Variants in RALYL observed in about 807,000 individuals in gnomAD.
The protein encoded by RALYL is RNA-binding Raly-like protein.
A neutral mutation model predicts 35.1 loss-of-function variants in RALYL; 29 were observed. The ratio of observed to expected loss-of-function variants is 0.83; its 90% CI spans 0.61 to 1.13. RALYL has a LOEUF of 1.13. RALYL is among the 50% of genes most tolerant of loss of function. RALYL has a pLI of 0.00. For missense variants in RALYL, 359 were observed against 360.4 expected (o/e 1.00, Z 0.03); for synonymous variants, 120 against 127.6 (o/e 0.94, Z 0.40).
At chr8:84,859,275 C>T (rs114544330) in intron 5 of RALYL, among the ~76,000 whole-genome samples, 2,116 of 152,108 alleles carry the variant, frequency 0.014, 42 homozygotes, top group African/African-American at 0.047. Context: ...ATCGGCCATG[C>T]AGAAAAAGGT....
At chr8:84,542,792 A>T (rs987522727) in intron 2 of RALYL, among the ~76,000 whole-genome samples, 2 of 152,164 alleles carry the variant, frequency 1.3e-5, no homozygotes, top group Admixed American at 1.3e-4. Flanking sequence ...AATTGCTGTA[A>T]TCCCTTAGTG....
At chr8:84,243,669 C>A (rs1383805793) in intron 1 of RALYL, among the ~76,000 whole-genome samples, 2 of 152,000 alleles carry the variant, frequency 1.3e-5, no homozygotes, top group Non-Finnish European at 2.9e-5. Context: ...ACTTTCCCAC[C>A]CTCCATATGC....
chr8:84,440,966 A>G (rs1054832259), intron 1 of RALYL, among the ~76,000 whole-genome samples: 4 of 152,002 alleles, frequency 2.6e-5, no homozygotes, highest in Non-Finnish European at 5.9e-5. Flanking sequence ...AAGTAGTTTT[A>G]CTATTTTTCA....
At chr8:84,300,534 G>A (rs76058040) in intron 1 of RALYL, among the ~76,000 whole-genome samples, 2 of 151,928 alleles carry the variant, frequency 1.3e-5, no homozygotes, top group African/African-American at 4.8e-5. Flanking sequence ...ACTGTTAGTA[G>A]GGTGTTGAAC....
At chr8:84,794,149 A>T (rs541152472) in intron 3 of RALYL, among the ~76,000 whole-genome samples, 35 of 152,360 alleles carry the variant, frequency 2.3e-4, no homozygotes, top group African/African-American at 7.9e-4. Flanking sequence ...CTCCCAACCT[A>T]CTAGGCCAGG....
chr8:84,496,218 G>T (rs954955755), intron 1 of RALYL, among the ~76,000 whole-genome samples: 5 of 151,972 alleles, frequency 3.3e-5, no homozygotes. Flanking sequence ...TTTCTTTTAG[G>T]TTTAGTCATG....
intron 2 of RALYL, among the ~76,000 whole-genome samples, chr8:84,709,773 A>G (rs1331296754): frequency 6.6e-6 from 1 of 152,100 alleles, no homozygotes; most frequent in East Asian, 1.9e-4. Context: ...CAAGCTACCA[A>G]TTGTCAGCCA....
intron 2 of RALYL, among the ~76,000 whole-genome samples, chr8:84,647,547 T>C (rs1211278483): frequency 6.6e-6 from 1 of 152,094 alleles, no homozygotes; most frequent in Non-Finnish European, 1.5e-5. Flanking sequence ...TAAGTTAACC[T>C]ATAATGAAAT....
chr8:84,261,368 G>T (rs569958891), intron 1 of RALYL, among the ~76,000 whole-genome samples: 1 of 152,112 alleles, frequency 6.6e-6, no homozygotes, highest in Non-Finnish European at 1.5e-5. Flanking sequence ...TCATGGGGGC[G>T]GTTTCTCCCA....
intron 2 of RALYL, among the ~76,000 whole-genome samples, chr8:84,740,182 C>T (rs996441373): frequency 6.6e-6 from 1 of 151,906 alleles, no homozygotes; most frequent in Non-Finnish European, 1.5e-5. Flanking sequence ...CGTTATACTT[C>T]GGGTGTGCAT....
At chr8:84,800,856 C>T (rs1823079422) in intron 3 of RALYL, among the ~76,000 whole-genome samples, 1 of 152,000 alleles carries the variant, frequency 6.6e-6, no homozygotes, top group Non-Finnish European at 1.5e-5. Context: ...TCATACATTT[C>T]AAGCAGTTTC....
intron 4 of RALYL, among the ~76,000 whole-genome samples, chr8:84,844,362 GA>G: frequency 6.6e-6 from 1 of 152,250 alleles, no homozygotes; most frequent in South Asian, 2.1e-4. Context: ...AAAAACACAT[GA>G]AAAAATGCTC....
At chr8:84,862,557 C>G in intron 6 of RALYL, 104 bp downstream of exon 6, 6 of 884,344 alleles carry the variant, frequency 6.8e-6, no homozygotes, top group Non-Finnish European at 9.6e-6. Flanking sequence ...TTATGAAGGA[C>G]CTGCTATGTA....
chr8:84,768,661 G>A (rs1814686264), intron 2 of RALYL, among the ~76,000 whole-genome samples: 1 of 152,316 alleles, frequency 6.6e-6, no homozygotes, highest in African/African-American at 2.4e-5. Context: ...CAAAGCGAGA[G>A]AAGTATAGTT....
chr8:84,665,167 C>A (rs973213442), intron 2 of RALYL, among the ~76,000 whole-genome samples: 2 of 151,372 alleles, frequency 1.3e-5, no homozygotes, highest in East Asian at 1.9e-4. Flanking sequence ...TGCATGAAGT[C>A]TCTTTGATTG....
At chr8:84,359,661 C>CT (rs1238493594) in intron 1 of RALYL, among the ~76,000 whole-genome samples, 1 of 151,906 alleles carries the variant, frequency 6.6e-6, no homozygotes, top group Non-Finnish European at 1.5e-5. Flanking sequence ...TAAATTAATG[C>CT]TTTTAAAATC....
intron 1 of RALYL, among the ~76,000 whole-genome samples, chr8:84,305,221 A>C (rs73296728): frequency 0.02 from 3,094 of 152,300 alleles, 115 homozygotes; most frequent in African/African-American, 0.07. Flanking sequence ...AAAATTGAAT[A>C]AGAGCTTTTT....
intron 7 of RALYL, among the ~76,000 whole-genome samples, chr8:84,880,495 T>G (rs1406874179): frequency 6.6e-6 from 1 of 151,950 alleles, no homozygotes; most frequent in African/African-American, 2.4e-5. Flanking sequence ...ATTGCCAGTC[T>G]CAACATTATC....
In RALYL at chr8:84,224,802, G is replaced by A. The variant is rs142893165; in HGVS notation, c.-24+40378G>A. Among the ~76,000 whole-genome samples the A allele has an allele frequency of 6.2e-3, 947 of 151,922 alleles. 8 individuals are homozygous for A. Among genetic ancestry groups the A allele is most frequent in the African/African-American group, 0.021 (887 of 41,430 alleles). On this transcript the variant is annotated intron_variant, in intron 1 of 8. Coordinates refer to ENST00000521268, the MANE Select transcript of RALYL (RefSeq NM_173848.7). ...CTCCTGAGTAGCTGGGACTACAGGC[G>A]TGTGCCACCAACCCCAGCTAATTTT... is the stretch of plus-strand genomic sequence containing the variant.
Sources: gnomAD v4.1 joint callset for allele counts (sites outside exome capture counted in the v4.1 genomes callset) on GRCh38, gnomAD v4.1.1 for gene constraint, MANE v1.5 for transcripts, NCBI Gene and HGNC (gene_info 2026-07-23, HGNC 2026-07-21) for gene names.